The following KIR2DL1 variants were observed in gnomAD, a reference collection of about 807,000 sequenced individuals.
KIR2DL1 encodes the protein killer cell immunoglobulin-like receptor 2DL1.
KIR2DL1 carries 38 observed loss-of-function variants against 33.9 expected under a neutral mutation model. The ratio of observed to expected loss-of-function variants is 1.12; its 90% confidence interval spans 0.86 to 1.47. KIR2DL1 has a LOEUF of 1.47. Ranked by LOEUF, KIR2DL1 falls within the 40% of genes most tolerant of loss-of-function variation. The pLI is 0.00. For synonymous variants in KIR2DL1, 179 were observed against 165.9 expected, an observed-to-expected ratio of 1.08 and a Z score of -0.61; for missense variants, 531 against 433.9, an observed-to-expected ratio of 1.22 and a Z score of -1.99.
At chr19:54,774,157 T>A (rs2076071001) in intron 3 of KIR2DL1, among the ~76,000 whole-genome samples, 1 of 148,702 alleles carries the variant, frequency 6.7e-6, no homozygotes, top group African/African-American at 2.5e-5. Context: ...CCCTGTATGC[T>A]GTGTGAACTT....
Position 54,784,215 on chromosome 19 carries a change from C to T in KIR2DL1, c.*402C>T, listed in dbSNP as rs2077426244. 5.9e-6 allele frequency: 2 copies of T among 337,572 alleles called. No individual in the cohort carries two copies. The highest frequency in any genetic ancestry group is 4.6e-5 in the Admixed American group (1 of 21,520). The allele number at this position is 337,572 out of a possible 1,614,324, so 20.9% of individuals were successfully genotyped here. On this transcript the variant is annotated 3_prime_UTR_variant, in exon 8 of 8. Coordinates refer to ENST00000336077, the MANE Select transcript of KIR2DL1 (RefSeq NM_014218.3). ...TTCCACCTTCCCTCATGCTGTTCCA[C>T]CTCCCCTCAGACTAGCTTTCAGTCT...
chr19:54,770,347 G>A (rs1157720004), intron 1 of KIR2DL1, among the ~76,000 whole-genome samples: 1 of 144,122 alleles, frequency 6.9e-6, no homozygotes, highest in African/African-American at 2.5e-5. Context: ...ATATGGGCCA[G>A]GAGTGGAGAT....
intron 5 of KIR2DL1, among the ~76,000 whole-genome samples, chr19:54,782,198 T>C (rs2077045296): frequency 6.6e-6 from 1 of 151,660 alleles, no homozygotes; most frequent in East Asian, 1.9e-4. Flanking sequence ...AGCACTCAGC[T>C]AAAGCACTGC....
chr19:54,773,273 G>T (rs371064843), intron 2 of KIR2DL1, 60 bp from the exon 3 acceptor site: 1 of 1,497,182 alleles, frequency 6.7e-7, no homozygotes, highest in Admixed American at 1.9e-5. Flanking sequence ...ACTCAATCCA[G>T]GTGCCATGGA....
At chr19:54,777,016 G>A (rs1320591260) in intron 4 of KIR2DL1, among the ~76,000 whole-genome samples, 12 of 151,570 alleles carry the variant, frequency 7.9e-5, no homozygotes, top group Non-Finnish European at 1.6e-4. Context: ...TCCCAACAGG[G>A]TACCAGGGTT....
rs754452359 is a variant in KIR2DL1, at chr19:54,773,567, G to T, written c.305G>T (p.Gly102Val). ...QDLAGTYRCY[G>V]SVTHSPYQVS... is the part of the protein sequence containing the mutation. ...CTGGCAGGGACCTACAGATGCTACG[G>T]TTCTGTTACTCACTCCCCCTATCAG... The change falls in exon 3 of 8, where the codon GGT becomes GTT. Residue 102 changes from glycine (G) to valine (V), a missense_variant. Transcript: ENST00000336077. The T allele has an allele frequency of 1.3e-6, 2 of 1,581,538 alleles. No individual in the cohort carries two copies. Among genetic ancestry groups the T allele is most frequent in the East Asian group, 2.2e-5 (1 of 44,594 alleles).
intron 3 of KIR2DL1, among the ~76,000 whole-genome samples, chr19:54,774,684 G>C (rs1184656892): frequency 6.7e-6 from 1 of 148,282 alleles, no homozygotes; most frequent in East Asian, 1.9e-4. Context: ...CATAGAGAGA[G>C]AGAGATGATA....
intron 5 of KIR2DL1, 136 bp from the exon 6 acceptor site, chr19:54,782,786 G>C (rs1371177198): frequency 4.6e-6 from 4 of 875,654 alleles, no homozygotes; most frequent in Non-Finnish European, 5.7e-6. Flanking sequence ...GCAGGAGAAA[G>C]CTGGGTCTCC....
At position 54,784,163 on chromosome 19, in the gene KIR2DL1, C is replaced by A; in HGVS notation, c.*350C>A. 1 of 471,014 alleles carries A rather than the reference C, an allele frequency of 2.1e-6. No individual in the cohort carries two copies. The allele number at this position is 471,014 out of a possible 1,614,324, so 29.2% of individuals were successfully genotyped here. On this transcript the variant is annotated 3_prime_UTR_variant, in exon 8 of 8. Transcript: ENST00000336077. ...ATTCCAAACATACAAGAGGCTCCCT[C>A]TTAACGCAGCACTTAGACACGTGTT...
chr19:54,772,143 G>T (rs1001062397), intron 2 of KIR2DL1, among the ~76,000 whole-genome samples: 1 of 148,088 alleles, frequency 6.8e-6, no homozygotes, highest in Non-Finnish European at 1.5e-5. Context: ...TGGAGCTCAG[G>T]TTGTTGATGA....
intron 5 of KIR2DL1, among the ~76,000 whole-genome samples, chr19:54,779,177 G>C (rs1211287632): frequency 6.8e-6 from 1 of 147,978 alleles, no homozygotes; most frequent in African/African-American, 2.5e-5. Flanking sequence ...CCATGCTCAG[G>C]CTGTGCAGTG....
At chr19:54,776,909 C>G (rs796966036) in intron 4 of KIR2DL1, among the ~76,000 whole-genome samples, 2 of 139,850 alleles carry the variant, frequency 1.4e-5, no homozygotes, top group Non-Finnish European at 3.2e-5. Context: ...CCCAAAGTGC[C>G]GGGATTACAG....
chr19:54,770,727 G>A, intron 1 of KIR2DL1, 122 bp from the exon 2 acceptor site: 1 of 1,379,628 alleles, frequency 7.2e-7, no homozygotes, highest in Non-Finnish European at 1.0e-6. Flanking sequence ...GGTAGGCACT[G>A]AGGGTGAGTT....
intron 5 of KIR2DL1, among the ~76,000 whole-genome samples, chr19:54,779,698 A>G (rs57738101): frequency 0.26 from 38,461 of 147,118 alleles, 5,184 homozygotes; most frequent in Middle Eastern, 0.33. Flanking sequence ...TTCACAAGCT[A>G]TGGAGGCTAG....
Position 54,783,689 on chromosome 19 carries a change from G to A in KIR2DL1, c.923G>A (p.Cys308Tyr). 6.2e-7 allele frequency: 1 copy of A among 1,613,966 alleles called. No individual in the cohort carries two copies. The highest frequency in any genetic ancestry group is 8.5e-7 in the Non-Finnish European group (1 of 1,179,962). The change falls in exon 8 of 8, where the codon TGC becomes TAC. Residue 308 changes from cysteine (C) to tyrosine (Y), a missense_variant. Coordinates refer to ENST00000336077, the MANE Select transcript of KIR2DL1 (RefSeq NM_014218.3). The part of the protein sequence containing the change: ...QEVTYTQLNH[C>Y]VFTQRKITRP... ...GTGACATACACACAGTTGAATCACT[G>A]CGTTTTCACACAGAGAAAAATCACT...
At chr19:54,774,320 A>T (rs796675071) in intron 3 of KIR2DL1, among the ~76,000 whole-genome samples, 2 of 140,306 alleles carry the variant, frequency 1.4e-5, no homozygotes, top group South Asian at 2.3e-4. Flanking sequence ...AGAGACTCAC[A>T]GACACATAAA....
chr19:54,782,235 G>C (rs1184070033), intron 5 of KIR2DL1, among the ~76,000 whole-genome samples: 7 of 151,936 alleles, frequency 4.6e-5, no homozygotes, highest in Non-Finnish European at 8.8e-5. Flanking sequence ...AGAACAGGAA[G>C]ACAGCCCAGG....
intron 5 of KIR2DL1, among the ~76,000 whole-genome samples, chr19:54,779,415 C>A (rs1266432985): frequency 6.8e-6 from 1 of 148,144 alleles, no homozygotes; most frequent in Non-Finnish European, 1.5e-5. Flanking sequence ...GGCTCCTGGT[C>A]CCCTTCCTCC....
intron 2 of KIR2DL1, among the ~76,000 whole-genome samples, chr19:54,771,672 T>A (rs556015653): frequency 6.7e-6 from 1 of 148,244 alleles, no homozygotes; most frequent in East Asian, 1.9e-4. Context: ...CCAGGACATG[T>A]GATTCTTCAG....
Sources: allele counts gnomAD v4.1 joint callset (sites outside exome capture counted in the v4.1 genomes callset), GRCh38; gene constraint gnomAD v4.1.1; transcripts MANE v1.5; gene names NCBI Gene and HGNC (gene_info 2026-07-23, HGNC 2026-07-21).